Variants in NTRK3 observed in about 807,000 individuals in gnomAD.
The protein encoded by NTRK3 is NT-3 growth factor receptor.
NTRK3 carries 24 observed loss-of-function variants against 91.7 expected under a neutral mutation model. The ratio of observed to expected loss-of-function variants is 0.26; its 90% CI spans 0.19 to 0.37. The LOEUF (loss-of-function observed/expected upper bound fraction) is 0.37. Ranked by LOEUF, NTRK3 falls within the 10% of genes least tolerant of loss-of-function variation. NTRK3 has a pLI of 1.00. For missense variants in NTRK3, 880 were observed against 1,068.9 expected, an observed-to-expected ratio of 0.82 and a Z score of 2.46; for synonymous variants, 483 against 404.0, an observed-to-expected ratio of 1.20 and a Z score of -2.34.
rs964488705 is a variant in NTRK3 at position 88,033,397 on chromosome 15, A to G, written c.1397-352T>C. ...GCCATCTTGGCTCACTGCAACCTCT[A>G]CCTCCTGGACTCAAGCGATTCTCAT... On this transcript the variant is annotated intron_variant, in intron 13 of 18. Coordinates refer to ENST00000394480, the Ensembl canonical transcript of NTRK3. 6.7e-5 allele frequency among the ~76,000 whole-genome samples: 10 copies of G among 149,872 alleles called. No homozygotes were observed. The East Asian group carries it at 9.9e-4, about 15-fold the overall frequency.
intron 11 of NTRK3, among the ~76,000 whole-genome samples, chr15:88,128,114 G>GA (rs1010639697): frequency 4.0e-5 from 6 of 151,628 alleles, no homozygotes; most frequent in African/African-American, 7.2e-5. Context: ...CTCCCATGGA[G>GA]AAAAAAAAGA....
chr15:88,148,656 A>T (rs561685898), intron 5 of NTRK3, among the ~76,000 whole-genome samples: 30 of 152,248 alleles, frequency 2.0e-4, no homozygotes, highest in African/African-American at 7.0e-4. Context: ...CTTGCTGGCC[A>T]TGGGGAGGAG....
intron 3 of NTRK3, among the ~76,000 whole-genome samples, chr15:88,195,940 C>T (rs1323630219): frequency 6.6e-6 from 1 of 152,222 alleles, no homozygotes; most frequent in East Asian, 1.9e-4. Context: ...TATGAAATGG[C>T]CAGGCCACCC....
intron 6 of NTRK3, chr15:88,144,277 GA>G (rs1357028797): frequency 6.6e-6 from 1 of 152,176 alleles, no homozygotes; most frequent in Non-Finnish European, 1.5e-5. Flanking sequence ...GCAAGTCATG[GA>G]AGATGCGAAG....
intron 3 of NTRK3, among the ~76,000 whole-genome samples, chr15:88,193,121 A>G (rs8035013): frequency 0.22 from 33,455 of 152,086 alleles, 3,905 homozygotes; most frequent in South Asian, 0.33. Flanking sequence ...CCAGGGCGGT[A>G]CTATGTAGCC....
At chr15:87,919,998 G>A (rs2067744380) in intron 17 of NTRK3, among the ~76,000 whole-genome samples, 1 of 152,102 alleles carries the variant, frequency 6.6e-6, no homozygotes, top group South Asian at 2.1e-4. Context: ...ACAGAACTTA[G>A]TTCAACAGAA....
exon 19 of NTRK3, chr15:87,872,399 C>T (rs1482629737): frequency 4.0e-5 from 9 of 225,998 alleles, no homozygotes; most frequent in Non-Finnish European, 7.0e-5. Context: ...CAACTTAAGA[C>T]GCTGCCCTCT....
At chr15:88,217,790 A>C (rs4887385) in intron 3 of NTRK3, among the ~76,000 whole-genome samples, 2 of 147,762 alleles carry the variant, frequency 1.4e-5, no homozygotes, top group South Asian at 2.2e-4. Flanking sequence ...GCGGAGTCTC[A>C]CTCTGTCGCC....
At chr15:87,944,251 C>A (rs913760503) in intron 14 of NTRK3, among the ~76,000 whole-genome samples, 1 of 152,136 alleles carries the variant, frequency 6.6e-6, no homozygotes, top group Non-Finnish European at 1.5e-5. Context: ...TGGATTTGGG[C>A]CAAACACATA....
intron 3 of NTRK3, among the ~76,000 whole-genome samples, chr15:88,219,009 G>A (rs1026692103): frequency 6.6e-6 from 1 of 152,236 alleles, no homozygotes; most frequent in Non-Finnish European, 1.5e-5. Flanking sequence ...GATGACAGAT[G>A]CCATAGCAAC....
chr15:88,108,747 C>T (rs2050988672), intron 13 of NTRK3, among the ~76,000 whole-genome samples: 2 of 152,358 alleles, frequency 1.3e-5, no homozygotes, highest in African/African-American at 4.8e-5. Context: ...CACTTGGAAG[C>T]TATAGCTTTG....
At chr15:88,197,500 A>G (rs2141232295) in intron 3 of NTRK3, among the ~76,000 whole-genome samples, 1 of 152,318 alleles carries the variant, frequency 6.6e-6, no homozygotes, top group East Asian at 1.9e-4. Context: ...AACTTCTATT[A>G]GGAAGCCTTA....
chr15:88,242,420 C>A (rs1428365696), intron 3 of NTRK3, among the ~76,000 whole-genome samples: 1 of 152,222 alleles, frequency 6.6e-6, no homozygotes, highest in African/African-American at 2.4e-5. Flanking sequence ...TGCACCCTCT[C>A]CACCTTAGGG....
intron 17 of NTRK3, among the ~76,000 whole-genome samples, chr15:87,921,351 A>C (rs961009984): frequency 1.3e-5 from 2 of 152,216 alleles, no homozygotes; most frequent in African/African-American, 2.4e-5. Flanking sequence ...GCCTGGGTCT[A>C]CTTAGGAGTA....
At chr15:88,134,067 C>A (rs1310691411) in intron 10 of NTRK3, among the ~76,000 whole-genome samples, 1 of 152,254 alleles carries the variant, frequency 6.6e-6, no homozygotes, top group African/African-American at 2.4e-5. Flanking sequence ...CTGCCTTTTC[C>A]CTTTGTGCAC....
At chr15:88,031,643 G>A (rs1453419053) in intron 14 of NTRK3, among the ~76,000 whole-genome samples, 3 of 152,150 alleles carry the variant, frequency 2.0e-5, no homozygotes, top group Admixed American at 2.0e-4. Context: ...AAGGTTAGGA[G>A]GCAAACGATG....
chr15:87,965,026 C>A lies in NTRK3; in HGVS notation c.1586-24273G>T, dbSNP rs371514750. Among the ~76,000 whole-genome samples, 306 of 152,262 alleles carry A rather than the reference C, an allele frequency of 2.0e-3. 1 individual carries two copies. Among genetic ancestry groups the A allele is most frequent in the African/African-American group, 6.8e-3 (283 of 41,536 alleles). On this transcript the variant is annotated intron_variant, in intron 14 of 18. Coordinates refer to ENST00000394480, the Ensembl canonical transcript of NTRK3. ...ATATCACTTCCACAAAAATTTTTAA[C>A]ATTGCAAAAGATCAGTTAAATTGCA... is the stretch of plus-strand genomic sequence containing the variant.
chr15:88,022,892 A>T (rs1035967880), intron 14 of NTRK3, among the ~76,000 whole-genome samples: 1 of 152,218 alleles, frequency 6.6e-6, no homozygotes, highest in African/African-American at 2.4e-5. Context: ...TATGGCAGTG[A>T]GGCACAGAGC....
chr15:88,056,284 G>A (rs1010337391), intron 13 of NTRK3, among the ~76,000 whole-genome samples: 3 of 150,214 alleles, frequency 2.0e-5, no homozygotes, highest in Non-Finnish European at 3.0e-5. Flanking sequence ...CAAAATTTAT[G>A]TCTTTTTATA....
Sources: allele counts gnomAD v4.1 joint callset (sites outside exome capture counted in the v4.1 genomes callset), GRCh38; gene constraint gnomAD v4.1.1; transcripts MANE v1.5; gene names NCBI Gene and HGNC (gene_info 2026-07-23, HGNC 2026-07-21).